Variants in ROBO1 observed in about 807,000 individuals in gnomAD.
ROBO1 encodes roundabout guidance receptor 1.
ROBO1 carries 149 observed loss-of-function variants against 195.9 expected under a neutral mutation model. The observed-to-expected ratio is 0.76, with a 90% CI of 0.67 to 0.87. The LOEUF is 0.87. Among genes scored for constraint, ROBO1 ranks in the 40% least tolerant of loss-of-function variants. The pLI is 0.00. For missense variants in ROBO1, 1,933 were observed against 2,068.3 expected, an observed-to-expected ratio of 0.93 and a Z score of 1.27; for synonymous variants, 816 against 733.2, an observed-to-expected ratio of 1.11 and a Z score of -1.82.
intron 2 of ROBO1, among the ~76,000 whole-genome samples, chr3:79,396,324 G>T (rs898264272): frequency 2.0e-5 from 3 of 151,920 alleles, no homozygotes; most frequent in African/African-American, 4.8e-5. Context: ...ATCTTCCAAA[G>T]AAAAATTTCC....
chr3:79,408,842 G>A (rs926265467), intron 2 of ROBO1, among the ~76,000 whole-genome samples: 4 of 152,016 alleles, frequency 2.6e-5, no homozygotes, highest in Admixed American at 6.6e-5. Context: ...GTAAATAAAT[G>A]TTTTTCCAAG....
At chr3:79,574,395 C>T (rs1374594483) in intron 2 of ROBO1, among the ~76,000 whole-genome samples, 4 of 151,354 alleles carry the variant, frequency 2.6e-5, no homozygotes, top group Non-Finnish European at 5.9e-5. Flanking sequence ...TGAAATTTTG[C>T]TACCATAAAT....
intron 2 of ROBO1, among the ~76,000 whole-genome samples, chr3:79,370,793 C>G (rs769598484): frequency 6.6e-6 from 1 of 151,962 alleles, no homozygotes; most frequent in Admixed American, 6.6e-5. Flanking sequence ...AGGTTTTAAG[C>G]CCTGCATGCA....
At chr3:79,111,592 C>T (rs562591980) in intron 3 of ROBO1, among the ~76,000 whole-genome samples, 1 of 152,240 alleles carries the variant, frequency 6.6e-6, no homozygotes, top group African/African-American at 2.4e-5. Context: ...CCCAACACGT[C>T]ACAGCTGTAA....
chr3:79,762,115 C>A (rs557727872), intron 1 of ROBO1, among the ~76,000 whole-genome samples: 2 of 152,110 alleles, frequency 1.3e-5, no homozygotes, highest in Non-Finnish European at 1.5e-5. Context: ...GGAATAGGTG[C>A]CTTGTAAACA....
At chr3:79,212,082 G>A (rs1241924255) in intron 2 of ROBO1, among the ~76,000 whole-genome samples, 2 of 152,220 alleles carry the variant, frequency 1.3e-5, no homozygotes, top group Non-Finnish European at 1.5e-5. Flanking sequence ...GGCACAGATC[G>A]CTCCTGCTAT....
chr3:79,625,423 G>GA, intron 1 of ROBO1, among the ~76,000 whole-genome samples: 300 of 13,876 alleles, frequency 0.022, 23 homozygotes, highest in Middle Eastern at 0.11. Context: ...TGTTTTTTTT[G>GA]AAAAAAAAAA....
intron 3 of ROBO1, 92 bp downstream of exon 3, chr3:79,125,364 A>G (rs2108571919): frequency 2.0e-6 from 2 of 995,756 alleles, no homozygotes; most frequent in East Asian, 5.1e-5. Context: ...GGAAGCAGGG[A>G]TGATTCGATT....
intron 1 of ROBO1, among the ~76,000 whole-genome samples, chr3:79,639,355 A>G (rs926824054): frequency 9.9e-5 from 15 of 152,194 alleles, no homozygotes; most frequent in Non-Finnish European, 1.8e-4. Flanking sequence ...AAACACAACT[A>G]TTCATTTCAG....
At chr3:79,643,617 T>C (rs1334469585) in intron 1 of ROBO1, among the ~76,000 whole-genome samples, 1 of 152,190 alleles carries the variant, frequency 6.6e-6, no homozygotes, top group East Asian at 1.9e-4. Context: ...TTTGTTTCTA[T>C]TCTTTTCTTT....
At chr3:78,858,037 G>A (rs1428821793) in intron 4 of ROBO1, among the ~76,000 whole-genome samples, 1 of 152,138 alleles carries the variant, frequency 6.6e-6, no homozygotes, top group African/African-American at 2.4e-5. Flanking sequence ...ATTTGAGACT[G>A]AAATATCGGA....
intron 2 of ROBO1, among the ~76,000 whole-genome samples, chr3:79,486,755 C>A (rs1400189805): frequency 6.6e-6 from 1 of 151,982 alleles, no homozygotes; most frequent in East Asian, 1.9e-4. Context: ...GCCATTTTGG[C>A]AAAAGAAGTA....
chr3:79,556,198 A>G (rs1454856990), intron 2 of ROBO1, among the ~76,000 whole-genome samples: 1 of 152,100 alleles, frequency 6.6e-6, no homozygotes, highest in Non-Finnish European at 1.5e-5. Flanking sequence ...GCAGTATTTC[A>G]TCAAATCTAA....
chr3:79,687,244 G>T (rs963798220), intron 1 of ROBO1, among the ~76,000 whole-genome samples: 1 of 149,840 alleles, frequency 6.7e-6, no homozygotes, highest in Non-Finnish European at 1.5e-5. Flanking sequence ...TTAAATGTTA[G>T]ACCTAAAACC....
intron 2 of ROBO1, among the ~76,000 whole-genome samples, chr3:79,200,873 G>A (rs2081750044): frequency 6.6e-6 from 1 of 151,958 alleles, no homozygotes. Context: ...GAAAATGACT[G>A]TGCTTTGCAT....
chr3:78,896,213 C>G (rs1559974252), intron 4 of ROBO1, among the ~76,000 whole-genome samples: 1 of 152,146 alleles, frequency 6.6e-6, no homozygotes, highest in Non-Finnish European at 1.5e-5. Flanking sequence ...AGAATACACT[C>G]AGAGAGAATT....
intron 3 of ROBO1, among the ~76,000 whole-genome samples, chr3:78,975,567 G>A (rs2076869144): frequency 6.6e-6 from 1 of 152,108 alleles, no homozygotes; most frequent in South Asian, 2.1e-4. Flanking sequence ...AAAAAAGGGA[G>A]AGGGGATAAC....
intron 5 of ROBO1, among the ~76,000 whole-genome samples, chr3:78,744,948 C>T (rs530295569): frequency 4.6e-5 from 7 of 152,078 alleles, no homozygotes; most frequent in East Asian, 3.9e-4. Context: ...TGTCTGTATA[C>T]GCACTCATAA....
intron 1 of ROBO1, among the ~76,000 whole-genome samples, chr3:79,617,633 A>AC (rs1944866765): frequency 1.3e-5 from 2 of 152,166 alleles, no homozygotes; most frequent in African/African-American, 4.8e-5. Context: ...GAATCAGAGT[A>AC]AGAACTCTTA....
Sources: gnomAD v4.1 joint callset for allele counts (sites outside exome capture counted in the v4.1 genomes callset) on GRCh38, gnomAD v4.1.1 for gene constraint, MANE v1.5 for transcripts, NCBI Gene and HGNC (gene_info 2026-07-23, HGNC 2026-07-21) for gene names.